DGKB: variants seen among roughly 807,000 people sequenced by gnomAD.
DGKB encodes the protein 90 kDa diacylglycerol kinase.
Under a neutral mutation model 114.3 loss-of-function variants are expected in DGKB, and 67 were observed. The observed-to-expected ratio is 0.59, with a 90% CI of 0.48 to 0.72. The LOEUF is 0.72. Among genes scored for constraint, DGKB ranks in the 30% least tolerant of loss-of-function variants. The pLI, the probability that DGKB is intolerant of heterozygous loss-of-function variation, is 0.00. For synonymous variants in DGKB, 398 were observed against 323.1 expected (o/e 1.23, Z -2.49); for missense variants, 907 against 975.2 (o/e 0.93, Z 0.93).
chr7:14,199,000 G>T (rs1785429508), intron 23 of DGKB, among the ~76,000 whole-genome samples: 1 of 152,024 alleles, frequency 6.6e-6, no homozygotes, highest in African/African-American at 2.4e-5. Flanking sequence ...TTTAGCTAAA[G>T]GGCAACTTCA....
chr7:14,404,390 A>G (rs756384612), intron 21 of DGKB, among the ~76,000 whole-genome samples: 5 of 151,732 alleles, frequency 3.3e-5, no homozygotes, highest in African/African-American at 7.3e-5. Flanking sequence ...CTCTCGTGGG[A>G]GTCAAATGCT....
chr7:14,960,074 A>G (rs17373580), intron 1 of DGKB, among the ~76,000 whole-genome samples: 19,026 of 151,940 alleles, frequency 0.13, 1,344 homozygotes, highest in Admixed American at 0.19. Context: ...GATACAAATT[A>G]GAAATGTACC....
At chr7:14,486,641 C>A (rs116499961) in intron 20 of DGKB, among the ~76,000 whole-genome samples, 97 of 152,238 alleles carry the variant, frequency 6.4e-4, no homozygotes, top group African/African-American at 2.3e-3. Flanking sequence ...GTCTTCTATA[C>A]AGGACATTTC....
At chr7:14,335,969 C>T (rs1810574485) in intron 23 of DGKB, among the ~76,000 whole-genome samples, 1 of 152,106 alleles carries the variant, frequency 6.6e-6, no homozygotes, top group Admixed American at 6.6e-5. Flanking sequence ...GGCTTGAACT[C>T]CCTGCTTCAA....
At chr7:14,390,674 T>C (rs1439717989) in intron 21 of DGKB, among the ~76,000 whole-genome samples, 2 of 152,176 alleles carry the variant, frequency 1.3e-5, no homozygotes, top group Non-Finnish European at 2.9e-5. Flanking sequence ...GACATTTCTT[T>C]AACAAAACAA....
chr7:14,276,137 G>A (rs1024885080), intron 23 of DGKB, among the ~76,000 whole-genome samples: 1 of 152,084 alleles, frequency 6.6e-6, no homozygotes, highest in African/African-American at 2.4e-5. Flanking sequence ...ACTTAGCACA[G>A]TTCCATGTAA....
chr7:14,195,258 T>A (rs1784857734), intron 23 of DGKB, among the ~76,000 whole-genome samples: 1 of 152,134 alleles, frequency 6.6e-6, no homozygotes, highest in African/African-American at 2.4e-5. Flanking sequence ...TTCTGCCCTT[T>A]TCTATAAACT....
chr7:14,809,038 C>G (rs910710382), intron 2 of DGKB, among the ~76,000 whole-genome samples: 8 of 152,064 alleles, frequency 5.3e-5, no homozygotes. Flanking sequence ...AAAGAGAACT[C>G]TAGAAACAAA....
chr7:14,495,245 A>G (rs1785132050), intron 20 of DGKB, among the ~76,000 whole-genome samples: 1 of 151,810 alleles, frequency 6.6e-6, no homozygotes, highest in Admixed American at 6.6e-5. Context: ...ATAATGGTCA[A>G]CAAATGGCTC....
At chr7:14,254,317 G>A (rs1022305593) in intron 23 of DGKB, among the ~76,000 whole-genome samples, 2 of 152,090 alleles carry the variant, frequency 1.3e-5, no homozygotes, top group Non-Finnish European at 1.5e-5. Context: ...CATTTGTTGA[G>A]GGTGCAGGAA....
intron 20 of DGKB, among the ~76,000 whole-genome samples, chr7:14,532,566 C>T (rs1401746690): frequency 2.0e-5 from 3 of 150,996 alleles, no homozygotes; most frequent in Non-Finnish European, 4.4e-5. Context: ...ATTGATAAAA[C>T]AGTGAATATA....
At chr7:14,520,699 C>T (rs1425235541) in intron 20 of DGKB, among the ~76,000 whole-genome samples, 5 of 151,828 alleles carry the variant, frequency 3.3e-5, no homozygotes, top group African/African-American at 1.2e-4. Flanking sequence ...AGTATGATGT[C>T]AGTCTTTTTA....
intron 21 of DGKB, among the ~76,000 whole-genome samples, chr7:14,364,511 A>G (rs1358349359): frequency 6.6e-6 from 1 of 152,068 alleles, no homozygotes; most frequent in African/African-American, 2.4e-5. Flanking sequence ...ACAATAGAGT[A>G]ATTTTCTCTC....
At chr7:14,526,011 T>C (rs1471880862) in intron 20 of DGKB, among the ~76,000 whole-genome samples, 1 of 152,194 alleles carries the variant, frequency 6.6e-6, no homozygotes, top group East Asian at 1.9e-4. Flanking sequence ...AACTAATTTC[T>C]ATATTATATT....
chr7:14,334,837 A>T (rs1278340703), intron 23 of DGKB, among the ~76,000 whole-genome samples: 1 of 152,174 alleles, frequency 6.6e-6, no homozygotes, highest in Admixed American at 6.6e-5. Context: ...GAAAGGTCGA[A>T]TATTAACGCT....
Position 14,198,000 on chromosome 7 carries a change from TG to T in DGKB, c.2123-19850del, listed in dbSNP as rs1184280198. On this transcript the variant is annotated intron_variant, in intron 23 of 25. Coordinates refer to ENST00000402815, the MANE Select transcript of DGKB (RefSeq NM_001350709.2). ...GGACTCATTTTGGACTTAAAGTGTG[TG>T]GGGAAAGGGTGAAAGAATTGAGTTA... Among the ~76,000 whole-genome samples, 23 of 152,114 alleles carry T rather than the reference TG, an allele frequency of 1.5e-4. No homozygotes were observed. In the East Asian group the frequency reaches 1.6e-3, roughly 10 times the overall value.
chr7:14,940,230 GTGTTC>G (rs1785497308), intron 1 of DGKB, among the ~76,000 whole-genome samples: 1 of 152,070 alleles, frequency 6.6e-6, no homozygotes. Flanking sequence ...CAAAGTCGCT[GTGTTC>G]TCACAAGAAC....
chr7:14,908,965 G>C (rs1439667532), intron 1 of DGKB, among the ~76,000 whole-genome samples: 1 of 152,106 alleles, frequency 6.6e-6, no homozygotes, highest in Admixed American at 6.6e-5. Flanking sequence ...AAGTTAGTTT[G>C]AAAAAGTAAG....
intron 6 of DGKB, among the ~76,000 whole-genome samples, chr7:14,717,021 G>C (rs573459855): frequency 1.3e-5 from 2 of 151,628 alleles, no homozygotes; most frequent in South Asian, 4.2e-4. Context: ...AGAGAGAAGG[G>C]GGTTGAGAAC....
Sources: gnomAD v4.1 joint callset for allele counts (sites outside exome capture counted in the v4.1 genomes callset) on GRCh38, gnomAD v4.1.1 for gene constraint, MANE v1.5 for transcripts, NCBI Gene and HGNC (gene_info 2026-07-23, HGNC 2026-07-21) for gene names.